Variants in RCBTB1 observed in about 807,000 individuals in gnomAD.
The protein encoded by RCBTB1 is RCC1 and BTB domain-containing protein 1.
Under a neutral mutation model 62.4 loss-of-function variants are expected in RCBTB1, and 46 were observed. The ratio of observed to expected loss-of-function variants is 0.74; its 90% CI spans 0.58 to 0.94. The LOEUF (loss-of-function observed/expected upper bound fraction) is 0.94. Ranked by LOEUF, RCBTB1 falls within the 40% of genes least tolerant of loss-of-function variation. The pLI is 0.00. For synonymous variants in RCBTB1, 222 were observed against 245.8 expected (o/e 0.90, Z 0.91); for missense variants, 565 against 654.9 (o/e 0.86, Z 1.50).
chr13:49,573,243 G>T (rs2137356584), intron 2 of RCBTB1, among the ~76,000 whole-genome samples: 1 of 152,216 alleles, frequency 6.6e-6, no homozygotes, highest in Non-Finnish European at 1.5e-5. Context: ...ATACAGAAAT[G>T]TATACACCAA....
chr13:49,549,157 G>A (rs1442759601), intron 9 of RCBTB1, among the ~76,000 whole-genome samples: 1 of 148,060 alleles, frequency 6.8e-6, no homozygotes. Context: ...AAAGGTGGAT[G>A]TACAACATTA....
intron 4 of RCBTB1, 34 bp from the exon 5 acceptor site, chr13:49,560,118 A>G: frequency 6.2e-7 from 1 of 1,603,312 alleles, no homozygotes; most frequent in East Asian, 2.2e-5. Context: ...AATCAGCTCC[A>G]AAAAGAAATA....
At chr13:49,556,291 G>A (rs1961865064) in intron 5 of RCBTB1, among the ~76,000 whole-genome samples, 1 of 151,422 alleles carries the variant, frequency 6.6e-6, no homozygotes, top group African/African-American at 2.4e-5. Context: ...CCGCCTCCCG[G>A]GTTCATGTCA....
chr13:49,543,640 CAA>C (rs1960568161), intron 10 of RCBTB1, among the ~76,000 whole-genome samples: 1 of 152,224 alleles, frequency 6.6e-6, no homozygotes, highest in Non-Finnish European at 1.5e-5. Context: ...ACCTTTGTGG[CAA>C]ACAGTTACTA....
Position 49,559,844 on chromosome 13 carries a change from T to C in RCBTB1, c.444+74A>G, listed in dbSNP as rs1285730732. 4 of 1,392,014 alleles carry C rather than the reference T, an allele frequency of 2.9e-6. No homozygotes were observed. In the East Asian group the frequency reaches 9.3e-5, roughly 32 times the overall value. The allele number at this position is 1,392,014 out of a possible 1,614,324, so 86.2% of individuals were successfully genotyped here. ...ACTATACACTTAAAACTGGTGAAGC[T>C]GGTAAATTTTATGTTAAGTGTATTT... On this transcript the variant is annotated intron_variant, in intron 5 of 12. Transcript: ENST00000378302.
chr13:49,569,278 A>G (rs1474439965), intron 2 of RCBTB1, among the ~76,000 whole-genome samples: 2 of 152,208 alleles, frequency 1.3e-5, no homozygotes, highest in African/African-American at 4.8e-5. Context: ...TGCTTTTAAA[A>G]GTTTAAAAAT....
At chr13:49,556,651 A>C (rs903436323) in intron 5 of RCBTB1, among the ~76,000 whole-genome samples, 1 of 152,096 alleles carries the variant, frequency 6.6e-6, no homozygotes, top group African/African-American at 2.4e-5. Flanking sequence ...GTATATACTG[A>C]GTGTGGCTTC....
Position 49,552,226 on chromosome 13 carries a change from C to A in RCBTB1, c.663G>T (p.Gln221His). The A allele has an allele frequency of 1.3e-6, 2 of 1,599,096 alleles. No homozygotes were observed. The highest frequency in any genetic ancestry group is 1.7e-6 in the Non-Finnish European group (2 of 1,172,364). The change falls in exon 7 of 13, where the codon CAG becomes CAT. Residue 221 changes from glutamine to histidine, a missense_variant. Transcript: ENST00000378302. The stretch of plus-strand genomic sequence containing the variant: ...AAGCTGCCACTCTCACAGGGGTCAG[C>A]TGGTTGCCATTGTTTCCCAGGCCCA... ...GQLGLGNNGN[Q>H]LTPVRVAALH...
chr13:49,558,605 A>C (rs1594299760), intron 5 of RCBTB1, among the ~76,000 whole-genome samples: 1 of 151,150 alleles, frequency 6.6e-6, no homozygotes, highest in South Asian at 2.1e-4. Context: ...GAGGCAGGAG[A>C]ATCACTTGTA....
At chr13:49,558,972 T>C (rs1337691449) in intron 5 of RCBTB1, among the ~76,000 whole-genome samples, 5 of 152,248 alleles carry the variant, frequency 3.3e-5, no homozygotes, top group Admixed American at 3.3e-4. Context: ...GTTAAATATA[T>C]GTATTAGTTT....
intron 2 of RCBTB1, among the ~76,000 whole-genome samples, chr13:49,579,771 C>T (rs1261165888): frequency 6.6e-6 from 1 of 152,218 alleles, no homozygotes; most frequent in Non-Finnish European, 1.5e-5. Flanking sequence ...ATACCCCCAC[C>T]TTCATTTAGA....
At chr13:49,543,200 G>A (rs1356285807) in intron 10 of RCBTB1, among the ~76,000 whole-genome samples, 2 of 152,086 alleles carry the variant, frequency 1.3e-5, no homozygotes, top group Non-Finnish European at 2.9e-5. Context: ...GGAGGTGGAG[G>A]TTGCAGTGAG....
chr13:49,549,880 C>T, intron 8 of RCBTB1: 1 of 985,408 alleles, frequency 1.0e-6, no homozygotes, highest in Non-Finnish European at 1.2e-6. Flanking sequence ...TAGGATAGAT[C>T]ACACAGACCG....
chr13:49,583,478 A>C (rs1362668416), intron 1 of RCBTB1, among the ~76,000 whole-genome samples: 2 of 151,930 alleles, frequency 1.3e-5, no homozygotes, highest in Non-Finnish European at 2.9e-5. Context: ...TCCTCTACTA[A>C]GTCTATTCTG....
chr13:49,558,076 G>A (rs1962093454), intron 5 of RCBTB1, among the ~76,000 whole-genome samples: 1 of 152,206 alleles, frequency 6.6e-6, no homozygotes, highest in Non-Finnish European at 1.5e-5. Flanking sequence ...GAGAAAAAAT[G>A]TCAATTCCCG....
intron 2 of RCBTB1, among the ~76,000 whole-genome samples, chr13:49,575,375 C>T (rs1382050504): frequency 6.6e-6 from 1 of 151,378 alleles, no homozygotes; most frequent in African/African-American, 2.4e-5. Flanking sequence ...ACAGAACTAC[C>T]ATTCAACCCA....
At chr13:49,538,294 T>C (rs1960081017) in intron 12 of RCBTB1, among the ~76,000 whole-genome samples, 1 of 152,238 alleles carries the variant, frequency 6.6e-6, no homozygotes, top group African/African-American at 2.4e-5. Flanking sequence ...TGCCCAGCTA[T>C]GGATTTTAAT....
intron 2 of RCBTB1, among the ~76,000 whole-genome samples, chr13:49,568,330 GAAC>G (rs1167470362): frequency 2.0e-5 from 3 of 152,156 alleles, no homozygotes; most frequent in African/African-American, 7.2e-5. Context: ...TCTTTTGCTA[GAAC>G]AATAGTGCAA....
chr13:49,583,205 G>C (rs1381458699), intron 1 of RCBTB1, among the ~76,000 whole-genome samples: 1 of 151,958 alleles, frequency 6.6e-6, no homozygotes, highest in Non-Finnish European at 1.5e-5. Flanking sequence ...GAGCAATTGG[G>C]GGTAAAATGG....
Sources: gnomAD v4.1 joint callset for allele counts (sites outside exome capture counted in the v4.1 genomes callset) on GRCh38, gnomAD v4.1.1 for gene constraint, MANE v1.5 for transcripts, NCBI Gene and HGNC (gene_info 2026-07-23, HGNC 2026-07-21) for gene names.